The following UBAC1 variants were observed in gnomAD, a reference collection of about 807,000 sequenced individuals.
The protein encoded by UBAC1 is ubiquitin-associated domain-containing protein 1.
UBAC1 carries 27 observed loss-of-function variants against 45.9 expected under a neutral mutation model. The observed-to-expected ratio is 0.59, with a 90% CI of 0.43 to 0.81. The LOEUF (loss-of-function observed/expected upper bound fraction) is 0.81. Among genes scored for constraint, UBAC1 ranks in the 30% least tolerant of loss-of-function variants. UBAC1 has a pLI of 0.00. For missense variants in UBAC1, 529 were observed against 539.2 expected, an observed-to-expected ratio of 0.98 and a Z score of 0.19; for synonymous variants, 227 against 215.5, an observed-to-expected ratio of 1.05 and a Z score of -0.47.
rs189585998 is a variant in UBAC1 at position 135,935,383 on chromosome 9, C to T, written c.1103-1868G>A. Among the ~76,000 whole-genome samples the T allele has an allele frequency of 1.9e-3, 282 of 152,340 alleles. 1 individual carries two copies. The highest frequency in any genetic ancestry group is 3.0e-3 in the Non-Finnish European group (202 of 68,038). Reference sequence around the variant, plus strand: ...CACATGTGCCAGGCACAATGGCTCTCGCCTACAATCCCAGCACTCTAGAAG... The same window carrying T: ...CACATGTGCCAGGCACAATGGCTCTTGCCTACAATCCCAGCACTCTAGAAG... On this transcript the variant is annotated intron_variant, in intron 9 of 9. Transcript: ENST00000371756.
intron 1 of UBAC1, among the ~76,000 whole-genome samples, chr9:135,959,372 GTTTTTTTT>G (rs34292104): frequency 1.0e-5 from 1 of 99,848 alleles, no homozygotes; most frequent in Non-Finnish European, 2.0e-5. Context: ...TTTTTGTCTG[GTTTTTTTT>G]TTTTTTTTTT....
chr9:135,937,252 G>A (rs1039534396), intron 9 of UBAC1, among the ~76,000 whole-genome samples: 4 of 152,026 alleles, frequency 2.6e-5, no homozygotes, highest in African/African-American at 9.7e-5. Context: ...GACCAGCCTG[G>A]CAAACATGGT....
chr9:135,933,757 G>A (rs1240998059), intron 9 of UBAC1, among the ~76,000 whole-genome samples: 2 of 152,162 alleles, frequency 1.3e-5, no homozygotes, highest in Admixed American at 1.3e-4. Flanking sequence ...GGTGGGCAGT[G>A]TGCCTGTGCG....
intron 9 of UBAC1, among the ~76,000 whole-genome samples, 183 bp downstream of exon 9, chr9:135,938,039 C>T (rs1049437037): frequency 2.0e-5 from 3 of 152,162 alleles, no homozygotes; most frequent in African/African-American, 7.2e-5. Context: ...GACCTGCGGG[C>T]CCCACAGTGA....
chr9:135,953,815 T>TCCAGCACCCTTTATGCC, intron 2 of UBAC1, 62 bp from the exon 3 acceptor site: 1 of 1,489,734 alleles, frequency 6.7e-7, no homozygotes, highest in Non-Finnish European at 9.3e-7. Context: ...CAAAATGGCA[T>TCCAGCACCCTTTATGCC]AAAGGGTGCT....
chr9:135,939,809 G>A (rs1393379563), intron 7 of UBAC1, 50 bp from the exon 8 acceptor site: 1 of 1,555,826 alleles, frequency 6.4e-7, no homozygotes, highest in Non-Finnish European at 8.8e-7. Flanking sequence ...GGAGGCCGAG[G>A]AACCAGTGAC....
chr9:135,956,536 C>T (rs997026344), intron 1 of UBAC1, among the ~76,000 whole-genome samples: 3 of 152,142 alleles, frequency 2.0e-5, no homozygotes, highest in South Asian at 2.1e-4. Flanking sequence ...CAGAGCTCCA[C>T]GACTCCACTC....
At chr9:135,938,768 T>C (rs1390869471) in intron 8 of UBAC1, among the ~76,000 whole-genome samples, 1 of 143,788 alleles carries the variant, frequency 7.0e-6, no homozygotes, top group Non-Finnish European at 1.5e-5. Context: ...TCCTCATCTC[T>C]GTCTTGGAGG....
chr9:135,959,792 G>A (rs1254921430), intron 1 of UBAC1, among the ~76,000 whole-genome samples: 1 of 152,136 alleles, frequency 6.6e-6, no homozygotes, highest in African/African-American at 2.4e-5. Context: ...TTGTTCAGAC[G>A]GCAAAATCAT....
chr9:135,946,182 G>T, intron 5 of UBAC1, 87 bp downstream of exon 5: 1 of 1,098,732 alleles, frequency 9.1e-7, no homozygotes, highest in South Asian at 1.3e-5. Context: ...CTGAGGTTCC[G>T]GTCAGTGGTC....
chr9:135,933,344 T>A lies in UBAC1; in HGVS notation c.*56A>T. Reference sequence around the variant, plus strand: ...TCCAGGTGAGGTCCACTCTGCCCGGTCTCGGGCCGCACCAGGGGGCTGCTG... The same window carrying A: ...TCCAGGTGAGGTCCACTCTGCCCGGACTCGGGCCGCACCAGGGGGCTGCTG... On this transcript the variant is annotated 3_prime_UTR_variant, in exon 10 of 10. Coordinates refer to ENST00000371756, the MANE Select transcript of UBAC1 (RefSeq NM_016172.3). The A allele has an allele frequency of 6.7e-7, 1 of 1,487,900 alleles. No individual in the cohort carries two copies. The highest frequency in any genetic ancestry group is 9.4e-7 in the Non-Finnish European group (1 of 1,065,872). The allele number at this position is 1,487,900 out of a possible 1,614,324, so 92.2% of individuals were successfully genotyped here.
intron 7 of UBAC1, among the ~76,000 whole-genome samples, chr9:135,944,623 C>G (rs1839304653): frequency 6.6e-6 from 1 of 152,206 alleles, no homozygotes; most frequent in Non-Finnish European, 1.5e-5. Context: ...CATGGACACC[C>G]CCGACGGCAA....
chr9:135,947,949 C>A, intron 3 of UBAC1, 44 bp from the exon 4 acceptor site: 1 of 1,562,634 alleles, frequency 6.4e-7, no homozygotes. Flanking sequence ...AACGTAAGAG[C>A]AGCAAAAAGA....
chr9:135,938,111 G>A (rs1839220778), intron 9 of UBAC1, 111 bp downstream of exon 9: 1 of 1,486,598 alleles, frequency 6.7e-7, no homozygotes, highest in African/African-American at 1.4e-5. Context: ...CCAGCGCACG[G>A]CGATCCTCAG....
At chr9:135,937,014 C>T (rs1005158143) in intron 9 of UBAC1, among the ~76,000 whole-genome samples, 2 of 152,152 alleles carry the variant, frequency 1.3e-5, no homozygotes, top group African/African-American at 2.4e-5. Context: ...AAACGCTGAG[C>T]GGAAGGTCTC....
At chr9:135,946,126 G>A (rs1839331150) in intron 5 of UBAC1, 129 bp from the exon 6 acceptor site, 1 of 1,043,374 alleles carries the variant, frequency 9.6e-7, no homozygotes, top group Admixed American at 2.0e-5. Context: ...AACAGGAGTT[G>A]CCGGTGAGGC....
intron 7 of UBAC1, among the ~76,000 whole-genome samples, 195 bp from the exon 8 acceptor site, chr9:135,939,954 G>C (rs1839248868): frequency 6.6e-6 from 1 of 152,260 alleles, no homozygotes; most frequent in African/African-American, 2.4e-5. Flanking sequence ...TAAAGCCGAG[G>C]AAGTGCAGGG....
chr9:135,955,421 G>GA lies in UBAC1; in HGVS notation c.139-7dup. 2 of 1,530,538 alleles carry GA rather than the reference G, an allele frequency of 1.3e-6. No homozygotes were observed. Among genetic ancestry groups the GA allele is most frequent in the East Asian group, 2.4e-5 (1 of 41,774 alleles). The allele number at this position is 1,530,538 out of a possible 1,614,324, so 94.8% of individuals were successfully genotyped here. A position where few individuals can be genotyped will look rare whatever the true frequency, so the allele number is the denominator to read the frequency against. ...TCTAAGCTCCCATGAGCACACTGGG[G>GA]AAAAATAGAAATTTCAAGGTAGAAA... On this transcript the variant is annotated splice_region_variant and splice_polypyrimidine_tract_variant and intron_variant, in intron 1 of 9. Transcript: ENST00000371756.
At chr9:135,946,165 T>C (rs543310068) in intron 5 of UBAC1, 104 bp downstream of exon 5, 3 of 1,058,124 alleles carry the variant, frequency 2.8e-6, no homozygotes, top group East Asian at 2.4e-5. Context: ...AGCGCTTCCA[T>C]AAAGCACTGA....
Sources: allele counts gnomAD v4.1 joint callset (sites outside exome capture counted in the v4.1 genomes callset), GRCh38; gene constraint gnomAD v4.1.1; transcripts MANE v1.5; gene names NCBI Gene and HGNC (gene_info 2026-07-23, HGNC 2026-07-21).